LARP1B: variants seen among roughly 807,000 people sequenced by gnomAD.
LARP1B encodes La ribonucleoprotein 1B.
LARP1B carries 76 observed loss-of-function variants against 114.2 expected under a neutral mutation model. That is an observed-to-expected ratio of 0.67 (90% CI 0.55 to 0.81). The LOEUF is 0.81. LARP1B is among the 30% of genes least tolerant of loss of function. The pLI is 0.00. For synonymous variants in LARP1B, 345 were observed against 348.0 expected, an observed-to-expected ratio of 0.99 and a Z score of 0.10; for missense variants, 1,014 against 1,075.8, an observed-to-expected ratio of 0.94 and a Z score of 0.80.
At chr4:128,113,284 T>G (rs1784718491) in intron 9 of LARP1B, among the ~76,000 whole-genome samples, 1 of 152,090 alleles carries the variant, frequency 6.6e-6, no homozygotes, top group Non-Finnish European at 1.5e-5. Context: ...TTAAATATTC[T>G]TTGACTTTTG....
rs544129662 is a variant in LARP1B, at chr4:128,110,676, C to CA, written c.988+3380dup. On this transcript the variant is annotated intron_variant, in intron 9 of 19. Transcript: ENST00000326639. ...TGGGCGACAGAGCGAGACTCCGTCTCAAAAAAAAAAAAAAAAAGATGCAGC... is the reference window on the plus strand; with the variant it reads ...TGGGCGACAGAGCGAGACTCCGTCTCAAAAAAAAAAAAAAAAAAGATGCAGC... Among the ~76,000 whole-genome samples the CA allele has an allele frequency of 8.9e-4, 29 of 32,430 alleles. 5 individuals carry two copies. The East Asian group carries it at 0.022, about 25-fold the overall frequency. 21.3% of individuals were successfully genotyped at this position (32,430 alleles called of 152,430 possible).
intron 15 of LARP1B, among the ~76,000 whole-genome samples, chr4:128,181,472 G>T (rs577565123): frequency 1.3e-5 from 2 of 151,706 alleles, no homozygotes; most frequent in African/African-American, 4.8e-5. Context: ...GCCACACTGC[G>T]CCCAGCTGTC....
At chr4:128,072,896 T>C (rs1765932083) in intron 1 of LARP1B, among the ~76,000 whole-genome samples, 1 of 152,162 alleles carries the variant, frequency 6.6e-6, no homozygotes, top group Non-Finnish European at 1.5e-5. Context: ...GGTGGACTTC[T>C]TTCCATGTCA....
intron 8 of LARP1B, among the ~76,000 whole-genome samples, chr4:128,098,747 G>GTATATATATA (rs1554010737): frequency 0.024 from 376 of 15,454 alleles, 35 homozygotes; most frequent in East Asian, 0.067. Context: ...ATATGTATGT[G>GTATATATATA]TATATATATA....
chr4:128,155,731 A>C, intron 11 of LARP1B: 3 of 1,608,638 alleles, frequency 1.9e-6, no homozygotes, highest in Non-Finnish European at 2.5e-6. Context: ...GCCCGAGCGG[A>C]ACAAGCTGGC....
intron 5 of LARP1B, among the ~76,000 whole-genome samples, chr4:128,085,087 C>A (rs1049137698): frequency 6.6e-6 from 1 of 152,232 alleles, no homozygotes; most frequent in African/African-American, 2.4e-5. Context: ...TGGGCTCGAA[C>A]TCTTGACCTC....
At chr4:128,107,590 AAAT>A in intron 9 of LARP1B, 1 of 1,378,784 alleles carries the variant, frequency 7.3e-7, no homozygotes, top group African/African-American at 1.5e-5. Flanking sequence ...TATTTTTACT[AAAT>A]AACTATAGAT....
At position 128,211,314 on chromosome 4, in the gene LARP1B, G is replaced by C. The variant is rs1758950330; in HGVS notation, c.*1261G>C. On this transcript the variant is annotated 3_prime_UTR_variant, in exon 20 of 20. Transcript: ENST00000326639. ...TTTGTTGTATTGGCAAAAGCAAGTGGTTTCCATATGCTAAATTAATTGTAT... is the reference window on the plus strand; with the variant it reads ...TTTGTTGTATTGGCAAAAGCAAGTGCTTTCCATATGCTAAATTAATTGTAT... 2.1e-6 allele frequency: 2 copies of C among 970,026 alleles called. No individual in the cohort carries two copies. The highest frequency in any genetic ancestry group is 3.5e-5 in the African/African-American group (2 of 56,914). 60.1% of individuals were successfully genotyped at this position (970,026 alleles called of 1,614,324 possible). A position where few individuals can be genotyped will look rare whatever the true frequency, so the allele number is the denominator to read the frequency against.
At chr4:128,137,172 T>G (rs1725682740) in intron 11 of LARP1B, among the ~76,000 whole-genome samples, 1 of 152,062 alleles carries the variant, frequency 6.6e-6, no homozygotes, top group Non-Finnish European at 1.5e-5. Context: ...CAGGTTGCAG[T>G]GAGCAGAGAT....
chr4:128,119,137 G>A (rs1161402270), intron 10 of LARP1B, among the ~76,000 whole-genome samples: 2 of 151,572 alleles, frequency 1.3e-5, no homozygotes, highest in African/African-American at 2.4e-5. Context: ...CACCTGCCTC[G>A]GCCTCCCAAA....
At chr4:128,063,832 G>A (rs1360413296) in intron 1 of LARP1B, among the ~76,000 whole-genome samples, 1 of 152,090 alleles carries the variant, frequency 6.6e-6, no homozygotes, top group African/African-American at 2.4e-5. Context: ...AGTTGTAAAT[G>A]ACTTGAACTT....
intron 11 of LARP1B, chr4:128,123,371 T>A (rs1204370471): frequency 1.0e-6 from 1 of 982,440 alleles, no homozygotes; most frequent in Non-Finnish European, 1.2e-6. Context: ...TTTGTAATAC[T>A]TAGGTTCGGT....
intron 11 of LARP1B, among the ~76,000 whole-genome samples, chr4:128,129,809 CT>C: frequency 6.6e-6 from 1 of 151,568 alleles, no homozygotes; most frequent in African/African-American, 2.4e-5. Flanking sequence ...GCTAGAACAG[CT>C]GAGCATTGAG....
chr4:128,129,688 C>G (rs1214207981), intron 11 of LARP1B, among the ~76,000 whole-genome samples: 1 of 152,070 alleles, frequency 6.6e-6, no homozygotes, highest in Non-Finnish European at 1.5e-5. Context: ...ACAACTAAAT[C>G]AATAGAACAG....
chr4:128,151,069 A>G (rs1732576429), intron 11 of LARP1B, among the ~76,000 whole-genome samples: 1 of 152,256 alleles, frequency 6.6e-6, no homozygotes, highest in African/African-American at 2.4e-5. Context: ...AAACCTTCAG[A>G]AAAGTTACAT....
intron 11 of LARP1B, among the ~76,000 whole-genome samples, chr4:128,148,710 A>C (rs879549951): frequency 6.6e-6 from 1 of 151,632 alleles, no homozygotes; most frequent in Admixed American, 6.6e-5. Context: ...GCTCATTGCA[A>C]CCTCCACCCT....
chr4:128,144,806 G>A (rs1412024128), intron 11 of LARP1B, among the ~76,000 whole-genome samples: 1 of 151,900 alleles, frequency 6.6e-6, no homozygotes, highest in East Asian at 1.9e-4. Flanking sequence ...TTTGGGCTGC[G>A]ATTTCCTATC....
intron 11 of LARP1B, among the ~76,000 whole-genome samples, chr4:128,131,728 T>C (rs1454861753): frequency 6.6e-6 from 1 of 152,070 alleles, no homozygotes; most frequent in Non-Finnish European, 1.5e-5. Flanking sequence ...TAAAAAATAA[T>C]ACATAAATTA....
At position 128,091,048 on chromosome 4, in the gene LARP1B, A is replaced by G. The variant is rs546369374; in HGVS notation, c.406A>G (p.Ser136Gly). 4 of 1,613,692 alleles carry G rather than the reference A, an allele frequency of 2.5e-6. No homozygotes were observed. In the East Asian group the frequency reaches 6.7e-5, roughly 27 times the overall value. Residue 136 changes from serine (S) to glycine (G), a missense_variant, in exon 6 of 20, where the codon AGT becomes GGT. By Grantham distance (56) the Ser-to-Gly change is moderately conservative (BLOSUM62 0). Transcript: ENST00000326639. ...AAGGGATGATCAAGATGACGTTTCC[A>G]GTGTGAGAAGTGAGGGTGGTAATAT... ...EKRDDQDDVS[S>G]VRSEGGNIRG... is the part of the protein sequence containing the mutation.
Sources: allele counts gnomAD v4.1 joint callset (sites outside exome capture counted in the v4.1 genomes callset), GRCh38; gene constraint gnomAD v4.1.1; transcripts MANE v1.5; gene names NCBI Gene and HGNC (gene_info 2026-07-23, HGNC 2026-07-21).